The following PLEKHG1 variants were observed in gnomAD, a reference collection of about 807,000 sequenced individuals.
The protein encoded by PLEKHG1 is pleckstrin homology and RhoGEF domain containing G1.
PLEKHG1 carries 44 observed loss-of-function variants against 100.8 expected under a neutral mutation model. The observed-to-expected ratio is 0.44, with a 90% CI of 0.34 to 0.56. The LOEUF is 0.56. Among genes scored for constraint, PLEKHG1 ranks in the 20% least tolerant of loss-of-function variants. The pLI, the probability that PLEKHG1 is intolerant of heterozygous loss-of-function variation, is 0.01. For missense variants in PLEKHG1, 1,545 were observed against 1,720.9 expected, an observed-to-expected ratio of 0.90 and a Z score of 1.81; for synonymous variants, 640 against 662.5, an observed-to-expected ratio of 0.97 and a Z score of 0.52.
intron 15 of PLEKHG1, among the ~76,000 whole-genome samples, chr6:150,839,239 C>T (rs1777385452): frequency 6.6e-6 from 1 of 152,258 alleles, no homozygotes; most frequent in African/African-American, 2.4e-5. Context: ...CTCAGCCTCC[C>T]AAGTAGCTGG....
rs1260069615 is a variant in PLEKHG1 at position 150,678,079 on chromosome 6, T to TGC, written c.-99+27293_-99+27294insGC. Among the ~76,000 whole-genome samples the TGC allele has an allele frequency of 4.4e-4, 60 of 137,752 alleles. 1 individual carries two copies. The highest frequency in any genetic ancestry group is 1.6e-3 in the African/African-American group (59 of 37,890). 90.4% of individuals were successfully genotyped at this position (137,752 alleles called of 152,430 possible). On this transcript the variant is annotated intron_variant, in intron 3 of 3. Coordinates refer to the PLEKHG1 transcript ENST00000367326. ...GTTTTGATGCATATATATATATATATATATATATATATATATATATATATG... is the reference window on the plus strand; with the variant it reads ...GTTTTGATGCATATATATATATATATGCATATATATATATATATATATATATG...
intron 1 of PLEKHG1, among the ~76,000 whole-genome samples, chr6:150,730,539 T>C (rs4869690): frequency 0.98 from 149,477 of 152,252 alleles, 73,387 homozygotes; most frequent in East Asian, 1. Flanking sequence ...CGCTTGCCCA[T>C]CGCTCACTTC....
At chr6:150,635,697 TAAC>T (rs1463616778) in intron 1 of PLEKHG1, among the ~76,000 whole-genome samples, 1 of 152,234 alleles carries the variant, frequency 6.6e-6, no homozygotes, top group Non-Finnish European at 1.5e-5. Context: ...ATAATTGATT[TAAC>T]AACTTTTCAG....
At chr6:150,628,289 A>G (rs1582838820) in intron 1 of PLEKHG1, among the ~76,000 whole-genome samples, 1 of 151,890 alleles carries the variant, frequency 6.6e-6, no homozygotes, top group Non-Finnish European at 1.5e-5. Flanking sequence ...CCTGAGTGGA[A>G]TTTTCTGTTT....
At chr6:150,804,175 A>ATATATATATATATATT (rs1173213745) in intron 6 of PLEKHG1, among the ~76,000 whole-genome samples, 2 of 43,174 alleles carry the variant, frequency 4.6e-5, no homozygotes, top group Non-Finnish European at 7.8e-5. Context: ...ATATATATAT[A>ATATATATATATATATT]TTTTTTTTTT....
chr6:150,670,830 A>G (rs1779558424), intron 3 of PLEKHG1, among the ~76,000 whole-genome samples: 2 of 151,996 alleles, frequency 1.3e-5, no homozygotes, highest in Non-Finnish European at 2.9e-5. Context: ...CCCATCACCC[A>G]TGAATATACT....
chr6:150,793,713 A>G (rs1786131573), intron 4 of PLEKHG1, among the ~76,000 whole-genome samples: 1 of 152,186 alleles, frequency 6.6e-6, no homozygotes, highest in Admixed American at 6.6e-5. Flanking sequence ...CTGCTAGTGT[A>G]TTGTGCCAAA....
chr6:150,669,490 A>C (rs917008150), intron 3 of PLEKHG1, among the ~76,000 whole-genome samples: 1 of 152,108 alleles, frequency 6.6e-6, no homozygotes, highest in African/African-American at 2.4e-5. Context: ...TTTGGGGTTA[A>C]ATTTTTGCCT....
chr6:150,821,127 T>C, intron 12 of PLEKHG1, 68 bp from the exon 14 acceptor site: 1 of 1,268,180 alleles, frequency 7.9e-7, no homozygotes, highest in Non-Finnish European at 1.1e-6. Flanking sequence ...CATAATCCTC[T>C]TATAAAGAAT....
At chr6:150,765,669 C>T (rs1035682518) in intron 2 of PLEKHG1, among the ~76,000 whole-genome samples, 11 of 152,042 alleles carry the variant, frequency 7.2e-5, no homozygotes, top group African/African-American at 2.7e-4. Context: ...TTATGTAGAT[C>T]AGAGCTTCTC....
At chr6:150,615,460 T>C (rs1324521503) in intron 1 of PLEKHG1, among the ~76,000 whole-genome samples, 1 of 152,186 alleles carries the variant, frequency 6.6e-6, no homozygotes, top group Non-Finnish European at 1.5e-5. Context: ...TAACTCTCCC[T>C]TGGCCTTCTT....
intron 3 of PLEKHG1, chr6:150,662,848 TCGAGA>T (rs1246439405): frequency 6.6e-6 from 1 of 152,198 alleles, no homozygotes; most frequent in African/African-American, 2.4e-5. Flanking sequence ...TTCCTACACC[TCGAGA>T]CAAGTGTCAA....
chr6:150,652,022 C>T (rs1290344032), intron 3 of PLEKHG1: 2 of 152,116 alleles, frequency 1.3e-5, no homozygotes, highest in African/African-American at 4.8e-5. Flanking sequence ...TCATTTCTTC[C>T]CATTGGCTTT....
exon 16 of PLEKHG1, chr6:150,841,854 C>G (rs1282403927): frequency 6.6e-6 from 1 of 152,338 alleles, no homozygotes; most frequent in East Asian, 1.9e-4. Context: ...TTTGCACATG[C>G]ACCCTCCTGA....
intron 2 of PLEKHG1, among the ~76,000 whole-genome samples, chr6:150,639,010 A>T (rs1778138449): frequency 1.3e-5 from 2 of 152,188 alleles, no homozygotes; most frequent in African/African-American, 4.8e-5. Context: ...TGTTATTTAT[A>T]TTCTGTCTTC....
intron 3 of PLEKHG1, among the ~76,000 whole-genome samples, chr6:150,705,198 A>G (rs1780954521): frequency 1.3e-5 from 2 of 152,238 alleles, no homozygotes. Flanking sequence ...ATGATAATTG[A>G]TGTATTAAAA....
At chr6:150,742,807 C>G (rs894395594) in intron 2 of PLEKHG1, among the ~76,000 whole-genome samples, 2 of 152,128 alleles carry the variant, frequency 1.3e-5, no homozygotes, top group Admixed American at 6.6e-5. Context: ...AAGTTTCTTT[C>G]TTTGTCCTGT....
intron 2 of PLEKHG1, among the ~76,000 whole-genome samples, chr6:150,758,697 T>G (rs572630075): frequency 5.3e-5 from 8 of 152,352 alleles, no homozygotes; most frequent in African/African-American, 1.9e-4. Context: ...TATTGTGGTT[T>G]TGATTTGCAT....
At chr6:150,804,323 C>T (rs1786911000) in intron 6 of PLEKHG1, among the ~76,000 whole-genome samples, 1 of 148,810 alleles carries the variant, frequency 6.7e-6, no homozygotes. Flanking sequence ...GTAACTGGGA[C>T]TATAGGCATG....
Sources: gnomAD v4.1 joint callset for allele counts (sites outside exome capture counted in the v4.1 genomes callset) on GRCh38, gnomAD v4.1.1 for gene constraint, MANE v1.5 for transcripts, NCBI Gene and HGNC (gene_info 2026-07-23, HGNC 2026-07-21) for gene names.